Variants in SLC16A7 observed in about 807,000 individuals in gnomAD.
SLC16A7 encodes the protein monocarboxylate transporter 2.
SLC16A7 carries 33 observed loss-of-function variants against 34.9 expected under a neutral mutation model. The observed-to-expected ratio is 0.94, with a 90% CI of 0.72 to 1.26. The LOEUF is 1.26. Among genes scored for constraint, SLC16A7 ranks in the 50% most tolerant of loss-of-function variants. The pLI, the probability that SLC16A7 is intolerant of heterozygous loss-of-function variation, is 0.00. For synonymous variants in SLC16A7, 201 were observed against 206.6 expected (o/e 0.97, Z 0.23); for missense variants, 573 against 578.1 (o/e 0.99, Z 0.09).
At chr12:59,599,961 T>C (rs926181902) in intron 1 of SLC16A7, among the ~76,000 whole-genome samples, 2 of 152,176 alleles carry the variant, frequency 1.3e-5, no homozygotes, top group East Asian at 3.9e-4. Flanking sequence ...GAGCTGCTGC[T>C]TGGGACAGGA....
intron 3 of SLC16A7, among the ~76,000 whole-genome samples, chr12:59,717,365 G>A (rs1693608): frequency 0.046 from 6,963 of 151,748 alleles, 510 homozygotes; most frequent in African/African-American, 0.16. Flanking sequence ...TTCATGATTA[G>A]TTTAAAATGT....
rs1490711263 is a variant in SLC16A7 at position 59,775,178 on chromosome 12, T to C, written c.883T>C (p.Phe295Leu). The change falls in exon 5 of 6, where the codon TTT (phenylalanine) becomes CTT (leucine). Residue 295 changes from phenylalanine (F) to leucine (L), a missense_variant. Physicochemically the swap from Phe to Leu is conservative, Grantham distance 22 (BLOSUM62 0). Coordinates refer to ENST00000547379, the MANE Select transcript of SLC16A7 (RefSeq NM_001270623.2). ...LLSVMAFVDM[F>L]ARPSVGLIAN... ...ATCTGTTATGGCTTTCGTTGATATGTTTGCTAGGCCTTCTGTAGGATTAAT... is the reference window on the plus strand; with the variant it reads ...ATCTGTTATGGCTTTCGTTGATATGCTTGCTAGGCCTTCTGTAGGATTAAT... 3.1e-6 allele frequency: 5 copies of C among 1,614,140 alleles called. No homozygotes were observed. In the South Asian group the frequency reaches 5.5e-5, roughly 18 times the overall value.
intron 1 of SLC16A7, among the ~76,000 whole-genome samples, chr12:59,650,788 C>T (rs1868330349): frequency 6.6e-6 from 1 of 152,094 alleles, no homozygotes; most frequent in South Asian, 2.1e-4. Context: ...AGCTCAGAAG[C>T]TTGAGCCCTT....
At chr12:59,651,304 A>T (rs931485604) in intron 1 of SLC16A7, among the ~76,000 whole-genome samples, 3 of 152,148 alleles carry the variant, frequency 2.0e-5, no homozygotes, top group African/African-American at 2.4e-5. Context: ...AAGTTTTGAG[A>T]TCAAAGCTTA....
At chr12:59,664,198 G>A (rs1049435778) in intron 2 of SLC16A7, among the ~76,000 whole-genome samples, 4 of 152,094 alleles carry the variant, frequency 2.6e-5, no homozygotes, top group Non-Finnish European at 5.9e-5. Context: ...GAATGGGGTA[G>A]TGGGTATAAA....
intron 3 of SLC16A7, among the ~76,000 whole-genome samples, chr12:59,764,762 T>C (rs1367931220): frequency 6.6e-6 from 1 of 152,148 alleles, no homozygotes; most frequent in Non-Finnish European, 1.5e-5. Flanking sequence ...TTCCAAGTCT[T>C]TGCTATTGTG....
chr12:59,746,506 C>T (rs1005052515), intron 3 of SLC16A7, among the ~76,000 whole-genome samples: 1 of 152,124 alleles, frequency 6.6e-6, no homozygotes, highest in Non-Finnish European at 1.5e-5. Flanking sequence ...TAGTCAAAGT[C>T]TAAAGAAAAC....
rs138789555 is a variant in SLC16A7, at chr12:59,682,943, G to C, written c.-30-21829G>C. On this transcript the variant is annotated intron_variant, in intron 2 of 5. Coordinates refer to ENST00000547379, the MANE Select transcript of SLC16A7 (RefSeq NM_001270623.2). ...TAGCCAGGCGTGGTGGTGGGTGCCT[G>C]TAATCCCAGCTACTCAGGAGGCTGA... is the stretch of plus-strand genomic sequence containing the variant. Among the ~76,000 whole-genome samples the C allele has an allele frequency of 3.4e-3, 522 of 152,178 alleles. 3 individuals carry two copies. Among genetic ancestry groups the C allele is most frequent in the African/African-American group, 0.012 (480 of 41,528 alleles).
chr12:59,666,406 G>A (rs1869209050), intron 2 of SLC16A7, among the ~76,000 whole-genome samples: 1 of 152,140 alleles, frequency 6.6e-6, no homozygotes, highest in Non-Finnish European at 1.5e-5. Context: ...AGGTATTTAA[G>A]TTCTGTTTAC....
intron 3 of SLC16A7, among the ~76,000 whole-genome samples, chr12:59,733,090 C>A (rs971559633): frequency 1.3e-5 from 2 of 152,156 alleles, no homozygotes; most frequent in African/African-American, 4.8e-5. Flanking sequence ...ATCTTCTGCC[C>A]TATAGAGGAA....
At position 59,615,555 on chromosome 12, in the gene SLC16A7, A is replaced by G. The variant is rs151039851; in HGVS notation, c.-130+19319A>G. Among the ~76,000 whole-genome samples the G allele has an allele frequency of 3.3e-5, 5 of 152,322 alleles. No homozygotes were observed. In the East Asian group the frequency reaches 7.7e-4, roughly 24 times the overall value. On this transcript the variant is annotated intron_variant, in intron 1 of 5. Coordinates refer to ENST00000547379, the MANE Select transcript of SLC16A7 (RefSeq NM_001270623.2). Reference sequence around the variant, plus strand: ...AGAGGCCTATGTGTCAAGACTGGCAAACACTCAGATGCTAAGTGTTTCCTG... The same window carrying G: ...AGAGGCCTATGTGTCAAGACTGGCAGACACTCAGATGCTAAGTGTTTCCTG...
At chr12:59,694,696 C>T (rs1872075361) in intron 2 of SLC16A7, among the ~76,000 whole-genome samples, 1 of 151,892 alleles carries the variant, frequency 6.6e-6, no homozygotes, top group Admixed American at 6.6e-5. Flanking sequence ...TTCTAGTCAC[C>T]TGGAAACAAC....
chr12:59,743,057 T>C (rs1169761860), intron 3 of SLC16A7, among the ~76,000 whole-genome samples: 8 of 152,174 alleles, frequency 5.3e-5, no homozygotes, highest in African/African-American at 1.9e-4. Context: ...TGTATAATGC[T>C]AGGCTGCAGA....
intron 3 of SLC16A7, among the ~76,000 whole-genome samples, chr12:59,750,461 G>A (rs1003995350): frequency 2.6e-5 from 4 of 152,166 alleles, no homozygotes; most frequent in Non-Finnish European, 2.9e-5. Context: ...ATGAAAAAAA[G>A]CTCATTATCA....
At chr12:59,679,062 G>A (rs534585346) in intron 2 of SLC16A7, among the ~76,000 whole-genome samples, 1 of 152,314 alleles carries the variant, frequency 6.6e-6, no homozygotes, top group South Asian at 2.1e-4. Flanking sequence ...GTGGGAGCAG[G>A]CATTTCTGAG....
chr12:59,715,924 T>A (rs922063299), intron 3 of SLC16A7, among the ~76,000 whole-genome samples: 1 of 152,182 alleles, frequency 6.6e-6, no homozygotes, highest in Non-Finnish European at 1.5e-5. Flanking sequence ...CAAAGCTAAT[T>A]TACATTAGCG....
At chr12:59,717,278 T>A (rs138984154) in intron 3 of SLC16A7, among the ~76,000 whole-genome samples, 1,624 of 152,322 alleles carry the variant, frequency 0.011, 33 homozygotes, top group African/African-American at 0.037. Context: ...TGAATTTTAA[T>A]AACCTTAGTT....
Position 59,777,347 on chromosome 12 carries a change from T to G in SLC16A7, c.1180+1872T>G, listed in dbSNP as rs116743699. 1.9e-3 allele frequency among the ~76,000 whole-genome samples: 283 copies of G among 152,250 alleles called. 1 individual carries two copies. The highest frequency in any genetic ancestry group is 6.1e-3 in the African/African-American group (255 of 41,560). The stretch of plus-strand genomic sequence containing the variant: ...AGATTGGCTTCTTCTCTATAGTATT[T>G]GATTATCGCTAGAACTGCTGGCCCA... On this transcript the variant is annotated intron_variant, in intron 5 of 5. Coordinates refer to ENST00000547379, the MANE Select transcript of SLC16A7 (RefSeq NM_001270623.2).
chr12:59,698,679 T>C (rs931402154), intron 2 of SLC16A7, among the ~76,000 whole-genome samples: 2 of 151,766 alleles, frequency 1.3e-5, no homozygotes, highest in African/African-American at 2.4e-5. Context: ...TCTGGTAAGA[T>C]GAAGAACATC....
Sources: allele counts gnomAD v4.1 joint callset (sites outside exome capture counted in the v4.1 genomes callset), GRCh38; gene constraint gnomAD v4.1.1; transcripts MANE v1.5; gene names NCBI Gene and HGNC (gene_info 2026-07-23, HGNC 2026-07-21).